FAM107B: variants seen among roughly 807,000 people sequenced by gnomAD.
The protein encoded by FAM107B is family with sequence similarity 107 member B.
Under a neutral mutation model 31.5 loss-of-function variants are expected in FAM107B, and 21 were observed. The observed-to-expected ratio is 0.67, with a 90% CI of 0.47 to 0.96. FAM107B has a LOEUF of 0.96. FAM107B is among the 40% of genes least tolerant of loss of function. FAM107B has a pLI of 0.00. For missense variants in FAM107B, 452 were observed against 377.1 expected, an observed-to-expected ratio of 1.20 and a Z score of -1.64; for synonymous variants, 157 against 141.5, an observed-to-expected ratio of 1.11 and a Z score of -0.78.
intron 3 of FAM107B, among the ~76,000 whole-genome samples, chr10:14,524,590 G>A (rs1010532996): frequency 5.9e-5 from 9 of 152,130 alleles, no homozygotes; most frequent in Non-Finnish European, 1.2e-4. Flanking sequence ...TTGCTTAAGA[G>A]TACTCTGTTC....
chr10:14,653,574 G>A (rs1318498139), intron 2 of FAM107B, among the ~76,000 whole-genome samples: 1 of 148,984 alleles, frequency 6.7e-6, no homozygotes, highest in East Asian at 1.9e-4. Context: ...GTGCCATCAT[G>A]GTGCAAGCTA....
chr10:14,604,120 C>G, intron 2 of FAM107B: 1 of 502,666 alleles, frequency 2.0e-6, no homozygotes, highest in Non-Finnish European at 2.5e-6. Context: ...GGGGACCCCC[C>G]ACCCGCCCGG....
intron 2 of FAM107B, among the ~76,000 whole-genome samples, chr10:14,583,100 A>AG (rs1851703630): frequency 6.6e-6 from 1 of 151,872 alleles, no homozygotes; most frequent in Non-Finnish European, 1.5e-5. Flanking sequence ...AAAAAAAAAA[A>AG]AAAAGAAAAG....
chr10:14,524,111 G>A (rs183022963), intron 3 of FAM107B, among the ~76,000 whole-genome samples: 7 of 150,396 alleles, frequency 4.7e-5, no homozygotes, highest in Admixed American at 2.7e-4. Flanking sequence ...GCACAATCTC[G>A]GCTCACTGCA....
At chr10:14,753,923 G>T (rs1588756524) in intron 1 of FAM107B, among the ~76,000 whole-genome samples, 2 of 149,160 alleles carry the variant, frequency 1.3e-5, no homozygotes, top group Non-Finnish European at 1.5e-5. Context: ...TTATATCATA[G>T]ATGAAAAGTC....
At chr10:14,696,738 A>T (rs1369944468) in intron 1 of FAM107B, among the ~76,000 whole-genome samples, 2 of 152,130 alleles carry the variant, frequency 1.3e-5, no homozygotes, top group East Asian at 3.9e-4. Flanking sequence ...AATCTCAGAA[A>T]GGTGTCTATC....
intron 1 of FAM107B, among the ~76,000 whole-genome samples, chr10:14,688,117 C>T (rs758872778): frequency 1.3e-5 from 2 of 152,222 alleles, no homozygotes; most frequent in Non-Finnish European, 2.9e-5. Flanking sequence ...CTTGCTGAGT[C>T]TTCCAGCCTT....
intron 2 of FAM107B, among the ~76,000 whole-genome samples, chr10:14,662,799 G>T (rs772249474): frequency 6.6e-5 from 10 of 152,130 alleles, no homozygotes; most frequent in Non-Finnish European, 1.5e-4. Flanking sequence ...GAACCCCACT[G>T]TGATGGTTAA....
chr10:14,580,767 T>A (rs2131303786), intron 2 of FAM107B, among the ~76,000 whole-genome samples: 1 of 152,296 alleles, frequency 6.6e-6, no homozygotes, highest in Non-Finnish European at 1.5e-5. Flanking sequence ...TTTAAATCAT[T>A]TTAATTCACT....
chr10:14,566,189 A>G (rs544511672), intron 2 of FAM107B, among the ~76,000 whole-genome samples: 11 of 152,320 alleles, frequency 7.2e-5, no homozygotes, highest in African/African-American at 2.6e-4. Context: ...CAGAGATAAA[A>G]AACAGAATCT....
intron 2 of FAM107B, among the ~76,000 whole-genome samples, chr10:14,584,083 C>T (rs542658779): frequency 6.6e-5 from 10 of 152,274 alleles, no homozygotes; most frequent in South Asian, 6.2e-4. Flanking sequence ...ATACTGGGTC[C>T]GAAAGAAAGA....
In FAM107B at chr10:14,673,895, G is replaced by A. The variant is rs145239940; in HGVS notation, c.412-6204C>T. 3.4e-3 allele frequency among the ~76,000 whole-genome samples: 514 copies of A among 151,926 alleles called. 2 individuals carry two copies. Among genetic ancestry groups the A allele is most frequent in the African/African-American group, 0.012 (488 of 41,430 alleles). On this transcript the variant is annotated intron_variant, in intron 1 of 4. Transcript: ENST00000181796. ...GTGGAGCATTTTTTTAATATACTTGGCTATTTGTATGTCTTCTTTTGAGAA... is the reference window on the plus strand; with the variant it reads ...GTGGAGCATTTTTTTAATATACTTGACTATTTGTATGTCTTCTTTTGAGAA...
At chr10:14,772,361 A>C (rs948027099) in intron 1 of FAM107B, among the ~76,000 whole-genome samples, 1 of 146,956 alleles carries the variant, frequency 6.8e-6, no homozygotes, top group South Asian at 2.1e-4. Flanking sequence ...CTTAAAAAAA[A>C]AATATATATA....
intron 2 of FAM107B, among the ~76,000 whole-genome samples, chr10:14,550,990 T>C (rs953812765): frequency 1.3e-5 from 2 of 152,220 alleles, no homozygotes; most frequent in Non-Finnish European, 2.9e-5. Flanking sequence ...ACTTCCTTTA[T>C]GCCTTAAAAA....
intron 2 of FAM107B, among the ~76,000 whole-genome samples, chr10:14,599,640 A>G (rs7076352): frequency 0.029 from 4,360 of 151,810 alleles, 96 homozygotes; most frequent in East Asian, 0.12. Context: ...CCATCTCTAC[A>G]GTTTTTTAAA....
intron 4 of FAM107B, 88 bp downstream of exon 4, chr10:14,521,781 C>A: frequency 6.6e-7 from 1 of 1,520,990 alleles, no homozygotes. Flanking sequence ...TATACACTGG[C>A]ACGTCTGGTA....
At chr10:14,629,225 A>G (rs1468552795) in intron 2 of FAM107B, among the ~76,000 whole-genome samples, 1 of 139,508 alleles carries the variant, frequency 7.2e-6, no homozygotes, top group African/African-American at 2.6e-5. Context: ...TTTATATAAT[A>G]CATGTTATAA....
intron 2 of FAM107B, among the ~76,000 whole-genome samples, chr10:14,628,814 C>T (rs1387705523): frequency 6.6e-6 from 1 of 152,094 alleles, no homozygotes; most frequent in Non-Finnish European, 1.5e-5. Flanking sequence ...GGGAGGATCG[C>T]TTGAGCCTAG....
At chr10:14,758,873 GAAAAAAA>G (rs57967855) in intron 1 of FAM107B, among the ~76,000 whole-genome samples, 1 of 38,968 alleles carries the variant, frequency 2.6e-5, no homozygotes, top group Non-Finnish European at 4.8e-5. Context: ...GACCCTCTCA[GAAAAAAA>G]AAAAAAAAAA....
Sources: allele counts gnomAD v4.1 joint callset (sites outside exome capture counted in the v4.1 genomes callset), GRCh38; gene constraint gnomAD v4.1.1; transcripts MANE v1.5; gene names NCBI Gene and HGNC (gene_info 2026-07-23, HGNC 2026-07-21).